The following SGCG variants were observed in gnomAD, a reference collection of about 807,000 sequenced individuals.
SGCG encodes gamma-sarcoglycan.
SGCG carries 26 observed loss-of-function variants against 29.3 expected under a neutral mutation model. The ratio of observed to expected loss-of-function variants is 0.89; its 90% CI spans 0.65 to 1.23. The LOEUF (loss-of-function observed/expected upper bound fraction) is 1.23. SGCG is among the 50% of genes most tolerant of loss of function. The pLI is 0.00. For missense variants in SGCG, 353 were observed against 356.0 expected (o/e 0.99, Z 0.07); for synonymous variants, 145 against 129.7 (o/e 1.12, Z -0.80).
At chr13:23,306,778 A>C (rs1882375240) in intron 6 of SGCG, among the ~76,000 whole-genome samples, 1 of 152,224 alleles carries the variant, frequency 6.6e-6, no homozygotes, top group African/African-American at 2.4e-5. Flanking sequence ...AAAAAATACA[A>C]AATGTCAGAA....
At position 23,181,721 on chromosome 13, in the gene SGCG, C is replaced by T. The variant is rs146232921; in HGVS notation, c.-1+646C>T. Among the ~76,000 whole-genome samples, 894 of 152,260 alleles carry T rather than the reference C, an allele frequency of 5.9e-3. 7 individuals carry two copies. The highest frequency in any genetic ancestry group is 0.019 in the African/African-American group (808 of 41,550). ...TAAAAGTACACATGTGCTAATGCTT[C>T]AGCTTACTGAAGTTATGAGTTCTTT... On this transcript the variant is annotated intron_variant, in intron 1 of 7. Transcript: ENST00000218867.
intron 6 of SGCG, among the ~76,000 whole-genome samples, chr13:23,319,374 C>T (rs529918525): frequency 7.2e-5 from 11 of 152,048 alleles, no homozygotes; most frequent in African/African-American, 2.7e-4. Context: ...CAAAGTGTTC[C>T]CCAGCCTAAC....
chr13:23,177,216 G>A (rs939191489), upstream of SGCG, among the ~76,000 whole-genome samples: 3 of 152,098 alleles, frequency 2.0e-5, no homozygotes, highest in Non-Finnish European at 4.4e-5. Context: ...CCAGAGAATG[G>A]GGAGGGGAAG....
intron 1 of SGCG, among the ~76,000 whole-genome samples, chr13:23,198,356 T>G (rs4590986): frequency 0.23 from 34,374 of 152,162 alleles, 4,191 homozygotes; most frequent in East Asian, 0.35. Flanking sequence ...GCTATGACAA[T>G]AATCACATAA....
At chr13:23,221,421 G>A (rs966315877) in intron 2 of SGCG, among the ~76,000 whole-genome samples, 4 of 152,110 alleles carry the variant, frequency 2.6e-5, no homozygotes, top group East Asian at 1.9e-4. Flanking sequence ...CTGAAGCAAT[G>A]CCAATTATTA....
intron 5 of SGCG, among the ~76,000 whole-genome samples, chr13:23,290,852 C>T (rs900529918): frequency 6.6e-6 from 1 of 152,108 alleles, no homozygotes; most frequent in Admixed American, 6.5e-5. Flanking sequence ...TTGAAGGAAC[C>T]TAGAAACAGC....
intron 2 of SGCG, among the ~76,000 whole-genome samples, chr13:23,217,089 T>A (rs1351378879): frequency 6.6e-6 from 1 of 152,130 alleles, no homozygotes; most frequent in Non-Finnish European, 1.5e-5. Context: ...CTCTTTACAA[T>A]GTCTCCTTTT....
chr13:23,171,551 A>G, the SGCG span, among the ~76,000 whole-genome samples: 2 of 152,224 alleles, frequency 1.3e-5, no homozygotes. Flanking sequence ...AGGCATCTGC[A>G]TCTGACTTTT....
At chr13:23,213,463 C>A (rs1268543878) in intron 2 of SGCG, among the ~76,000 whole-genome samples, 1 of 152,156 alleles carries the variant, frequency 6.6e-6, no homozygotes, top group Admixed American at 6.5e-5. Flanking sequence ...GCCTGGGTGA[C>A]AGAGTGAGAC....
intron 3 of SGCG, among the ~76,000 whole-genome samples, chr13:23,248,019 A>C (rs1171975041): frequency 1.4e-5 from 2 of 142,224 alleles, no homozygotes; most frequent in East Asian, 4.1e-4. Flanking sequence ...TCACGCCTGT[A>C]ATCCCAGCAC....
chr13:23,168,582 T>C, the SGCG span, among the ~76,000 whole-genome samples: 1 of 152,230 alleles, frequency 6.6e-6, no homozygotes, highest in Admixed American at 6.5e-5. Flanking sequence ...GGACAGTTGG[T>C]AATTAATTGC....
intron 3 of SGCG, among the ~76,000 whole-genome samples, chr13:23,240,963 C>A (rs1468108070): frequency 2.6e-5 from 4 of 151,872 alleles, no homozygotes; most frequent in Non-Finnish European, 5.9e-5. Context: ...ACCATCCTAA[C>A]ACGGTGAAAC....
intron 1 of SGCG, among the ~76,000 whole-genome samples, chr13:23,187,744 T>C (rs1877048737): frequency 1.3e-5 from 2 of 152,330 alleles, no homozygotes; most frequent in African/African-American, 4.8e-5. Context: ...GCTCCTGACC[T>C]GAGGCCTTGG....
the SGCG span, among the ~76,000 whole-genome samples, chr13:23,169,614 G>T: frequency 6.6e-6 from 1 of 151,318 alleles, no homozygotes; most frequent in Admixed American, 6.6e-5. Context: ...GGGAGGCAAA[G>T]GTTGCAGTGA....
chr13:23,278,171 T>C (rs1566028043), intron 4 of SGCG, among the ~76,000 whole-genome samples: 1 of 151,730 alleles, frequency 6.6e-6, no homozygotes, highest in South Asian at 2.1e-4. Flanking sequence ...AGGCCAGACA[T>C]GGTGGCTCAC....
intron 6 of SGCG, among the ~76,000 whole-genome samples, chr13:23,299,429 TATATATATATATATA>T (rs1566037363): frequency 3.4e-3 from 49 of 14,248 alleles, no homozygotes; most frequent in African/African-American, 8.2e-3. Flanking sequence ...TATATATATA[TATATATATATATATA>T]TATATATATA....
rs939336114 is a variant in SGCG at position 23,325,118 on chromosome 13, C to G, written c.*577C>G. 2 of 160,086 alleles carry G rather than the reference C, an allele frequency of 1.2e-5. No homozygotes were observed. The highest frequency in any genetic ancestry group is 4.8e-5 in the African/African-American group (2 of 41,592). 9.9% of individuals were successfully genotyped at this position (160,086 alleles called of 1,614,324 possible). ...AAGGAATAAATCACTCAAAATTAAA[C>G]TTTCTGTATATAGTCAATAAGCAAT... On this transcript the variant is annotated 3_prime_UTR_variant, in exon 8 of 8. Coordinates refer to ENST00000218867, the MANE Select transcript of SGCG (RefSeq NM_000231.3).
chr13:23,168,028 C>T, the SGCG span, among the ~76,000 whole-genome samples: 7 of 152,254 alleles, frequency 4.6e-5, no homozygotes, highest in East Asian at 3.9e-4. Context: ...TGAGTCACTG[C>T]GCCTCGCTCC....
intron 1 of SGCG, among the ~76,000 whole-genome samples, chr13:23,182,106 C>T (rs1196215708): frequency 1.3e-5 from 2 of 152,218 alleles, no homozygotes; most frequent in Non-Finnish European, 2.9e-5. Context: ...CAAAAGATAT[C>T]AGCTAAGCTT....
Sources: allele counts gnomAD v4.1 joint callset (sites outside exome capture counted in the v4.1 genomes callset), GRCh38; gene constraint gnomAD v4.1.1; transcripts MANE v1.5; gene names NCBI Gene and HGNC (gene_info 2026-07-23, HGNC 2026-07-21).